SCAPER: variants seen among roughly 807,000 people sequenced by gnomAD.
SCAPER encodes S-phase cyclin A associated protein in the ER.
A neutral mutation model predicts 182.2 loss-of-function variants in SCAPER; 98 were observed. The ratio of observed to expected loss-of-function variants is 0.54; its 90% confidence interval spans 0.46 to 0.64. The LOEUF is 0.64. Ranked by LOEUF, SCAPER falls within the 30% of genes least tolerant of loss-of-function variation. SCAPER has a pLI of 0.00. For synonymous variants in SCAPER, 605 were observed against 564.6 expected (o/e 1.07, Z -1.01); for missense variants, 1,432 against 1,690.0 (o/e 0.85, Z 2.68).
At chr15:76,782,658 G>C (rs1368902746) in intron 8 of SCAPER, among the ~76,000 whole-genome samples, 1 of 152,016 alleles carries the variant, frequency 6.6e-6, no homozygotes, top group Non-Finnish European at 1.5e-5. Flanking sequence ...AAATGTAAAA[G>C]GATAAAAATC....
At chr15:76,383,816 G>T (rs1439073885) in intron 27 of SCAPER, among the ~76,000 whole-genome samples, 1 of 152,152 alleles carries the variant, frequency 6.6e-6, no homozygotes, top group African/African-American at 2.4e-5. Flanking sequence ...TTCTCTCAAT[G>T]TCTTCTTCTA....
chr15:76,715,848 C>A (rs1439683018), intron 17 of SCAPER, among the ~76,000 whole-genome samples: 1 of 152,128 alleles, frequency 6.6e-6, no homozygotes, highest in Non-Finnish European at 1.5e-5. Context: ...CTAGGGTATG[C>A]CCCACAGAAA....
intron 23 of SCAPER, among the ~76,000 whole-genome samples, chr15:76,568,592 AGT>A (rs2047211574): frequency 6.6e-6 from 1 of 152,080 alleles, no homozygotes; most frequent in African/African-American, 2.4e-5. Context: ...CCTGTCATCA[AGT>A]GATCCACCCA....
Position 76,733,246 on chromosome 15 carries a change from G to T in SCAPER, c.2005C>A (p.Arg669Ser). The T allele has an allele frequency of 6.3e-7, 1 of 1,579,766 alleles. No homozygotes were observed. The highest frequency in any genetic ancestry group is 8.6e-7 in the Non-Finnish European group (1 of 1,161,852). ...AATCCTACCTGCACAGCTTCATCAC[G>T]TGCTTGCTTTTCTTCCTGTCTTCTC... Reference protein sequence around the residue: ...RQRRQEEKQARDEAVQERKRA... With the variant: ...RQRRQEEKQASDEAVQERKRA... Residue 669 changes from arginine (R) to serine (S), a missense_variant, in exon 16 of 32, where the codon CGT becomes AGT. Arg to Ser is a moderately radical substitution (Grantham distance 110, BLOSUM62 -1). This residue lies in a region of SCAPER where 88 missense variants were observed against 184.2 expected (regional missense o/e 0.48). Coordinates refer to ENST00000563290, the MANE Select transcript of SCAPER (RefSeq NM_020843.4).
rs368130969 is a variant in SCAPER at position 76,756,578 on chromosome 15, A to G, written c.1726-2630T>C. Among the ~76,000 whole-genome samples, 29 of 148,218 alleles carry G rather than the reference A, an allele frequency of 2.0e-4. No individual in the cohort carries two copies. In the East Asian group the frequency reaches 3.7e-3, roughly 19 times the overall value. On this transcript the variant is annotated intron_variant, in intron 14 of 31. Coordinates refer to ENST00000563290, the MANE Select transcript of SCAPER (RefSeq NM_020843.4). ...GGAGACAGAGCAAGTCCCTGACTCT[A>G]AAAAAAAAACAATAGAAGAATCATT...
intron 21 of SCAPER, among the ~76,000 whole-genome samples, chr15:76,627,462 G>C (rs2052693831): frequency 6.6e-6 from 1 of 151,972 alleles, no homozygotes; most frequent in African/African-American, 2.4e-5. Context: ...CCCCCTGACA[G>C]GCCCCATTGT....
chr15:76,361,396 C>A (rs1317420192), intron 29 of SCAPER, among the ~76,000 whole-genome samples: 3 of 152,192 alleles, frequency 2.0e-5, no homozygotes, highest in African/African-American at 7.2e-5. Flanking sequence ...GAATACTGAA[C>A]AAATCAGAGA....
intron 24 of SCAPER, among the ~76,000 whole-genome samples, chr15:76,480,085 G>A (rs986008806): frequency 6.6e-6 from 1 of 152,188 alleles, no homozygotes; most frequent in Non-Finnish European, 1.5e-5. Flanking sequence ...ATGATTAGCA[G>A]TTTATATAGT....
chr15:76,804,127 A>G (rs2065971797), intron 6 of SCAPER, among the ~76,000 whole-genome samples: 1 of 152,196 alleles, frequency 6.6e-6, no homozygotes, highest in Non-Finnish European at 1.5e-5. Flanking sequence ...CGAAATGGCC[A>G]ACCAGCTGGT....
At chr15:76,464,192 C>T (rs1238604262) in intron 25 of SCAPER, among the ~76,000 whole-genome samples, 1 of 152,056 alleles carries the variant, frequency 6.6e-6, no homozygotes, top group African/African-American at 2.4e-5. Context: ...TGGTCCCTGG[C>T]AACCACCATT....
At chr15:76,855,457 C>CAAAAAAAA (rs34226154) in intron 4 of SCAPER, among the ~76,000 whole-genome samples, 16 of 116,290 alleles carry the variant, frequency 1.4e-4, no homozygotes, top group South Asian at 2.9e-4. Flanking sequence ...TTCTGCACAG[C>CAAAAAAAA]AAAAAAAAAA....
At chr15:76,355,695 T>G (rs1408891677) in intron 29 of SCAPER, among the ~76,000 whole-genome samples, 2 of 152,312 alleles carry the variant, frequency 1.3e-5, no homozygotes, top group East Asian at 3.9e-4. Flanking sequence ...TAAAGACAAC[T>G]CCTGGTGCCT....
chr15:76,471,327 C>T lies in SCAPER; in HGVS notation c.2963G>A (p.Cys988Tyr). ...GAGGTTGTAAACATTGATTGCATTG[C>T]AGAGAGACCTAAAAGAAGGAGAAAA... is the stretch of plus-strand genomic sequence containing the variant. ...TVLRIPPKSL[C>Y]NAINVYNLTC... Residue 988 changes from cysteine (C) to tyrosine (Y), a missense_variant, in exon 25 of 32, where the codon TGC becomes TAC. Around this residue, in one of 5 missense-constraint regions of SCAPER, gnomAD observed 718 missense variants for 799.7 expected, o/e 0.90. Coordinates refer to ENST00000563290, the MANE Select transcript of SCAPER (RefSeq NM_020843.4). 6.2e-7 allele frequency: 1 copy of T among 1,605,080 alleles called. No individual in the cohort carries two copies. The highest frequency in any genetic ancestry group is 1.7e-5 in the Admixed American group (1 of 58,164).
At chr15:76,665,884 T>A in intron 20 of SCAPER, 95 bp from the exon 21 acceptor site, 1 of 1,097,076 alleles carries the variant, frequency 9.1e-7, no homozygotes, top group South Asian at 2.1e-5. Flanking sequence ...AGACATTTGA[T>A]GAAACTAAAA....
intron 23 of SCAPER, among the ~76,000 whole-genome samples, chr15:76,558,955 A>G (rs957966112): frequency 1.2e-4 from 18 of 152,134 alleles, no homozygotes; most frequent in Non-Finnish European, 1.5e-5. Flanking sequence ...GTGTCAAGGG[A>G]GAGGCCAGGT....
At chr15:76,450,830 A>C (rs1460404352) in intron 25 of SCAPER, among the ~76,000 whole-genome samples, 2 of 152,228 alleles carry the variant, frequency 1.3e-5, no homozygotes, top group African/African-American at 4.8e-5. Context: ...TTCGGATTAC[A>C]TGCATGAGCC....
intron 25 of SCAPER, among the ~76,000 whole-genome samples, chr15:76,434,770 A>T (rs1431292689): frequency 6.6e-6 from 1 of 152,232 alleles, no homozygotes; most frequent in East Asian, 1.9e-4. Flanking sequence ...TGCATTTCCT[A>T]CTACAAAATG....
intron 24 of SCAPER, among the ~76,000 whole-genome samples, chr15:76,496,001 C>G (rs1186533152): frequency 3.1e-5 from 2 of 64,976 alleles, no homozygotes; most frequent in African/African-American, 9.4e-5. Context: ...GAGACACACA[C>G]ACACACACAC....
At chr15:76,667,764 C>A (rs774526417) in intron 20 of SCAPER, among the ~76,000 whole-genome samples, 4 of 151,270 alleles carry the variant, frequency 2.6e-5, no homozygotes, top group Non-Finnish European at 5.9e-5. Flanking sequence ...ACCAGCCTGG[C>A]CAACATGGTA....
Sources: allele counts gnomAD v4.1 joint callset (sites outside exome capture counted in the v4.1 genomes callset), GRCh38; gene constraint gnomAD v4.1.1; regional missense constraint gnomAD v4.1.1; transcripts MANE v1.5; gene names NCBI Gene and HGNC (gene_info 2026-07-23, HGNC 2026-07-21).